Variants in VPS35L observed in about 807,000 individuals in gnomAD.
VPS35L encodes the protein VPS35 endosomal protein-sorting factor-like.
A neutral mutation model predicts 133.0 loss-of-function variants in VPS35L; 83 were observed. That is an observed-to-expected ratio of 0.62 (90% confidence interval 0.52 to 0.75). VPS35L has a LOEUF of 0.75. VPS35L is among the 30% of genes least tolerant of loss of function. The probability of loss-of-function intolerance (pLI) is 0.00; values close to 1 mark genes in which losing one functional copy is unlikely to be tolerated. For synonymous variants in VPS35L, 423 were observed against 449.9 expected (o/e 0.94, Z 0.76); for missense variants, 1,083 against 1,206.8 (o/e 0.90, Z 1.52).
intron 3 of VPS35L, 47 bp from the exon 4 acceptor site, chr16:19,573,072 G>T: frequency 6.3e-7 from 1 of 1,588,760 alleles, no homozygotes; most frequent in Non-Finnish European, 8.6e-7. Context: ...TATATTTAAA[G>T]ATCAAAATGA....
chr16:19,561,352 C>G (rs1351810005), intron 1 of VPS35L, among the ~76,000 whole-genome samples: 1 of 152,122 alleles, frequency 6.6e-6, no homozygotes, highest in African/African-American at 2.4e-5. Flanking sequence ...GCCTGGGCGA[C>G]AGAGTGAGAC....
At chr16:19,585,625 G>C (rs1347418644) in intron 7 of VPS35L, among the ~76,000 whole-genome samples, 1 of 151,818 alleles carries the variant, frequency 6.6e-6, no homozygotes, top group Non-Finnish European at 1.5e-5. Context: ...GTCTGGTCTT[G>C]AACTCCTGGC....
chr16:19,559,972 G>A (rs991979988), intron 1 of VPS35L, among the ~76,000 whole-genome samples: 2 of 152,078 alleles, frequency 1.3e-5, no homozygotes, highest in African/African-American at 4.8e-5. Flanking sequence ...CAAAGTGCTG[G>A]GATTACAGGC....
chr16:19,646,124 C>A (rs2151582381), intron 23 of VPS35L, among the ~76,000 whole-genome samples: 1 of 152,204 alleles, frequency 6.6e-6, no homozygotes, highest in Non-Finnish European at 1.5e-5. Context: ...AGCTTGGTAA[C>A]CAGGCTGCTA....
intron 28 of VPS35L, among the ~76,000 whole-genome samples, chr16:19,689,093 C>T (rs1975573851): frequency 6.8e-6 from 1 of 147,664 alleles, no homozygotes; most frequent in Admixed American, 6.8e-5. Flanking sequence ...GGCTGGAGTG[C>T]AGGAGCGTGC....
At chr16:19,599,460 C>T (rs1346529596) in intron 8 of VPS35L, among the ~76,000 whole-genome samples, 1 of 152,036 alleles carries the variant, frequency 6.6e-6, no homozygotes, top group African/African-American at 2.4e-5. Flanking sequence ...CAGTGGTTCT[C>T]ACATTTCAGC....
At chr16:19,594,830 T>G (rs1972158073) in intron 8 of VPS35L, among the ~76,000 whole-genome samples, 1 of 149,354 alleles carries the variant, frequency 6.7e-6, no homozygotes, top group South Asian at 2.1e-4. Flanking sequence ...GGGAATTAGG[T>G]GAGGGGGTAG....
At chr16:19,659,662 G>T (rs1485330255) in intron 26 of VPS35L, among the ~76,000 whole-genome samples, 1 of 152,110 alleles carries the variant, frequency 6.6e-6, no homozygotes, top group Non-Finnish European at 1.5e-5. Flanking sequence ...AAAAACACAG[G>T]CTAGTAATAG....
At chr16:19,637,540 A>C in intron 19 of VPS35L, 54 bp from the exon 20 acceptor site, 11 of 1,334,034 alleles carry the variant, frequency 8.2e-6, no homozygotes, top group African/African-American at 1.5e-5. Flanking sequence ...ACCAGAAAGA[A>C]ATTTTTAAAA....
chr16:19,666,937 TTTC>T (rs1974702774), intron 26 of VPS35L, among the ~76,000 whole-genome samples: 1 of 117,050 alleles, frequency 8.5e-6, no homozygotes, highest in East Asian at 2.5e-4. Context: ...TCTTTCTTCC[TTTC>T]TTCCTTTCTT....
In VPS35L at chr16:19,650,467, C is replaced by A. The variant is rs772929543; in HGVS notation, c.2106+8C>A. Reference sequence around the variant, plus strand: ...ACAGCTGCATTTGTCCGGGTATGTTCTTAAGATAAGGACTGTTGGACCTCG... The same window carrying A: ...ACAGCTGCATTTGTCCGGGTATGTTATTAAGATAAGGACTGTTGGACCTCG... On this transcript the variant is annotated splice_region_variant and intron_variant, in intron 25 of 30. Transcript: ENST00000417362. The A allele has an allele frequency of 1.2e-6, 2 of 1,610,476 alleles. No individual in the cohort carries two copies. Among genetic ancestry groups the A allele is most frequent in the Non-Finnish European group, 1.7e-6 (2 of 1,176,728 alleles).
intron 7 of VPS35L, among the ~76,000 whole-genome samples, chr16:19,585,406 C>CTTTTTTTT (rs201727936): frequency 1.0e-4 from 14 of 138,136 alleles, no homozygotes; most frequent in Non-Finnish European, 1.6e-4. Context: ...TTTCTTTTTT[C>CTTTTTTTT]TTTTTTTTTT....
In VPS35L at chr16:19,632,428, C is replaced by T. The variant is rs1234679250; in HGVS notation, c.1555-664C>T. ...ATGTATAAGTTCTCTCTCAAACTGT[C>T]TCCTTCTCTCCTTCCCCTTTCTTTC... On this transcript the variant is annotated intron_variant, in intron 18 of 30. Transcript: ENST00000417362. Among the ~76,000 whole-genome samples, 2 of 152,170 alleles carry T rather than the reference C, an allele frequency of 1.3e-5. 1 individual carries two copies. The highest frequency in any genetic ancestry group is 6.3e-3 in the Middle Eastern group (2 of 316).
chr16:19,628,727 GTCA>G lies in VPS35L; in HGVS notation c.1478_1480del (p.Ile493del). 1 of 1,586,710 alleles carries G rather than the reference GTCA, an allele frequency of 6.3e-7. No individual in the cohort carries two copies. Among genetic ancestry groups the G allele is most frequent in the Non-Finnish European group, 8.6e-7 (1 of 1,161,060 alleles). Reference sequence around the variant, plus strand: ...TCAGATTCTCAACGAAGCTTGGAAAGTCATCACTAAGCTGAAGAACCCACAGGT... The same window carrying G: ...TCAGATTCTCAACGAAGCTTGGAAAGTCACTAAGCTGAAGAACCCACAGGT... On this transcript the variant is annotated inframe_deletion, in exon 17 of 31. Coordinates refer to ENST00000417362, the MANE Select transcript of VPS35L (RefSeq NM_020314.7).
chr16:19,625,462 G>A (rs942173807), intron 14 of VPS35L, among the ~76,000 whole-genome samples: 2 of 152,134 alleles, frequency 1.3e-5, no homozygotes, highest in Non-Finnish European at 2.9e-5. Flanking sequence ...AGTAATTATC[G>A]TTCTCATTCA....
At position 19,691,340 on chromosome 16, in the gene VPS35L, G is replaced by C; in HGVS notation, c.2528-13G>C. ...GGCTTGGGTCTGTCTCACTGTTCTT[G>C]TTTGTTCAACAGTGGACTCCAACGA... is the stretch of plus-strand genomic sequence containing the variant. On this transcript the variant is annotated splice_polypyrimidine_tract_variant and intron_variant, in intron 28 of 30. Transcript: ENST00000417362. The C allele has an allele frequency of 6.2e-7, 1 of 1,602,610 alleles. No homozygotes were observed.
chr16:19,691,557 A>G lies in VPS35L; in HGVS notation c.2646+86A>G, dbSNP rs1020922771. The G allele has an allele frequency of 8.8e-6, 9 of 1,025,348 alleles. No individual in the cohort carries two copies. In the Admixed American group the frequency reaches 1.6e-4, roughly 19 times the overall value. The allele number at this position is 1,025,348 out of a possible 1,614,324, so 63.5% of individuals were successfully genotyped here. ...GGTTCAACCTTGGTTCATTCTAGAA[A>G]GGAAACTATGTCATGTGAGTAATGT... On this transcript the variant is annotated intron_variant, in intron 29 of 30. Transcript: ENST00000417362.
chr16:19,667,988 G>A (rs1279345613), intron 26 of VPS35L, among the ~76,000 whole-genome samples: 1 of 152,112 alleles, frequency 6.6e-6, no homozygotes, highest in East Asian at 1.9e-4. Flanking sequence ...GCTTTACAAG[G>A]AGTGTCTTTC....
chr16:19,586,849 T>G (rs1245940221), intron 7 of VPS35L, among the ~76,000 whole-genome samples: 1 of 152,200 alleles, frequency 6.6e-6, no homozygotes, highest in Non-Finnish European at 1.5e-5. Flanking sequence ...CTAAATAATT[T>G]TTTTGCATGT....
Sources: allele counts gnomAD v4.1 joint callset (sites outside exome capture counted in the v4.1 genomes callset), GRCh38; gene constraint gnomAD v4.1.1; transcripts MANE v1.5; gene names NCBI Gene and HGNC (gene_info 2026-07-23, HGNC 2026-07-21).